DMRT1: variants seen among roughly 807,000 people sequenced by gnomAD.
DMRT1 encodes the protein doublesex- and mab-3-related transcription factor 1.
A neutral mutation model predicts 32.3 loss-of-function variants in DMRT1; 7 were observed. The observed-to-expected ratio is 0.22, with a 90% CI of 0.12 to 0.41. DMRT1 has a LOEUF of 0.41. Ranked by LOEUF, DMRT1 falls within the 10% of genes least tolerant of loss-of-function variation. The probability of loss-of-function intolerance (pLI) is 1.00; values close to 1 mark genes in which losing one functional copy is unlikely to be tolerated. For missense variants in DMRT1, 625 were observed against 500.5 expected, an observed-to-expected ratio of 1.25 and a Z score of -2.37; for synonymous variants, 278 against 206.1, an observed-to-expected ratio of 1.35 and a Z score of -2.99.
chr9:906,127 T>C (rs1278524195), intron 3 of DMRT1, among the ~76,000 whole-genome samples: 1 of 152,190 alleles, frequency 6.6e-6, no homozygotes, highest in Non-Finnish European at 1.5e-5. Flanking sequence ...TTGTGTCATT[T>C]CAATTAGTTG....
At chr9:873,755 T>A (rs931836698) in intron 2 of DMRT1, among the ~76,000 whole-genome samples, 2 of 152,180 alleles carry the variant, frequency 1.3e-5, no homozygotes, top group Non-Finnish European at 2.9e-5. Context: ...ACTGGGGGAA[T>A]GGCCTTCTAA....
rs111971389 is a variant in DMRT1, at chr9:842,592, G to A, written c.354+400G>A. ...GCATGGCCGTTGCCATGCGGGTCCTGGGTTGTGGAGAGATGCGGCGGTACT... is the reference window on the plus strand; with the variant it reads ...GCATGGCCGTTGCCATGCGGGTCCTAGGTTGTGGAGAGATGCGGCGGTACT... On this transcript the variant is annotated intron_variant, in intron 1 of 4. Transcript: ENST00000382276. 745 of 176,026 alleles carry A rather than the reference G, an allele frequency of 4.2e-3. 3 individuals are homozygous for A. Among genetic ancestry groups the A allele is most frequent in the Middle Eastern group, 0.011 (4 of 370 alleles). 10.9% of individuals were successfully genotyped at this position (176,026 alleles called of 1,614,324 possible).
intron 4 of DMRT1, among the ~76,000 whole-genome samples, chr9:966,837 C>T (rs575025147): frequency 6.6e-6 from 1 of 152,328 alleles, no homozygotes; most frequent in East Asian, 1.9e-4. Context: ...AGTGCAGCTT[C>T]TACTATGATT....
At chr9:895,203 C>G (rs946290172) in intron 3 of DMRT1, among the ~76,000 whole-genome samples, 2 of 152,080 alleles carry the variant, frequency 1.3e-5, no homozygotes, top group African/African-American at 4.8e-5. Context: ...GAGAAGGGAG[C>G]GTTTATCTAG....
At chr9:872,083 A>G (rs1434454345) in intron 2 of DMRT1, among the ~76,000 whole-genome samples, 1 of 150,528 alleles carries the variant, frequency 6.6e-6, no homozygotes, top group Non-Finnish European at 1.5e-5. Context: ...TTTTTTTGTG[A>G]TGGCATCTCA....
chr9:883,339 G>A (rs886892349), intron 2 of DMRT1, among the ~76,000 whole-genome samples: 4 of 152,010 alleles, frequency 2.6e-5, no homozygotes, highest in African/African-American at 9.7e-5. Flanking sequence ...TCCGTGTCTT[G>A]TGCTACAGGA....
chr9:876,411 CT>C (rs1338189110), intron 2 of DMRT1, among the ~76,000 whole-genome samples: 2 of 152,156 alleles, frequency 1.3e-5, no homozygotes. Context: ...CACAGTCTGT[CT>C]TTGGAGCTTA....
chr9:846,282 C>T (rs1838901532), intron 1 of DMRT1, among the ~76,000 whole-genome samples: 2 of 152,162 alleles, frequency 1.3e-5, no homozygotes, highest in African/African-American at 4.8e-5. Context: ...ATCGGCCCAC[C>T]TCTGCCTCCC....
In DMRT1 at chr9:855,340, TAAA is replaced by T. The variant is rs572832314; in HGVS notation, c.538+8201_538+8203del. Among the ~76,000 whole-genome samples, 102 of 152,288 alleles carry T rather than the reference TAAA, an allele frequency of 6.7e-4. 1 individual carries two copies. Among genetic ancestry groups the T allele is most frequent in the African/African-American group, 2.4e-3 (98 of 41,562 alleles). On this transcript the variant is annotated intron_variant, in intron 2 of 4. Coordinates refer to ENST00000382276, the MANE Select transcript of DMRT1 (RefSeq NM_021951.3). ...ACAAATAAATTTTATAACAGCATAT[TAAA>T]AAACAAAAACATTTGATTGGTTTAC... is the stretch of plus-strand genomic sequence containing the variant.
intron 3 of DMRT1, among the ~76,000 whole-genome samples, chr9:898,276 C>A (rs866774420): frequency 1.3e-5 from 2 of 152,112 alleles, no homozygotes; most frequent in African/African-American, 4.8e-5. Flanking sequence ...TGTGCCACCA[C>A]GCCCGGCTAA....
intron 3 of DMRT1, among the ~76,000 whole-genome samples, chr9:896,737 C>T (rs140713200): frequency 0.03 from 4,490 of 151,610 alleles, 195 homozygotes; most frequent in East Asian, 0.14. Context: ...CGTCTGAACC[C>T]GGGAGGTGGA....
chr9:873,386 A>C (rs1028657207), intron 2 of DMRT1, among the ~76,000 whole-genome samples: 19 of 150,426 alleles, frequency 1.3e-4, no homozygotes, highest in African/African-American at 4.2e-4. Context: ...GCTCACCATA[A>C]CCTCCACCTC....
Position 883,251 on chromosome 9 carries a change from C to T in DMRT1, c.539-10661C>T, listed in dbSNP as rs114924416. Among the ~76,000 whole-genome samples, 207 of 151,944 alleles carry T rather than the reference C, an allele frequency of 1.4e-3. 1 individual carries two copies. Among genetic ancestry groups the T allele is most frequent in the African/African-American group, 4.7e-3 (197 of 41,476 alleles). ...AAGAAAAAAAAAAGGAGCTGACATTCCTTCACAACCAAATTACGTTAAAAA... is the reference window on the plus strand; with the variant it reads ...AAGAAAAAAAAAAGGAGCTGACATTTCTTCACAACCAAATTACGTTAAAAA... On this transcript the variant is annotated intron_variant, in intron 2 of 4. Transcript: ENST00000382276.
intron 4 of DMRT1, among the ~76,000 whole-genome samples, chr9:937,320 T>C (rs1295104822): frequency 6.6e-6 from 1 of 152,248 alleles, no homozygotes; most frequent in East Asian, 1.9e-4. Flanking sequence ...TGTACAAGTA[T>C]CTGTGTGAGT....
intron 3 of DMRT1, among the ~76,000 whole-genome samples, chr9:907,829 ATGTGTGTGTGTGTG>A (rs3084903): frequency 6.7e-6 from 1 of 149,426 alleles, no homozygotes; most frequent in African/African-American, 2.5e-5. Context: ...TAAAATATAT[ATGTGTGTGTGTGTG>A]TGTGTGTGTG....
intron 4 of DMRT1, among the ~76,000 whole-genome samples, chr9:956,890 A>G (rs368769543): frequency 4.1e-4 from 63 of 152,302 alleles, no homozygotes; most frequent in African/African-American, 1.4e-3. Flanking sequence ...AAAGTCTACA[A>G]TTAAGTTTGG....
chr9:870,031 C>G lies in DMRT1; in HGVS notation c.538+22888C>G, dbSNP rs149757500. On this transcript the variant is annotated intron_variant, in intron 2 of 4. Transcript: ENST00000382276. ...CAGTTTGTATTGAACGAATAAGTTT[C>G]TTAAGTTTTTGAGAGCTTTCTCTTA... Among the ~76,000 whole-genome samples the G allele has an allele frequency of 9.5e-4, 144 of 152,256 alleles. 2 individuals are homozygous for G. Among genetic ancestry groups the G allele is most frequent in the Admixed American group, 7.9e-3 (121 of 15,298 alleles).
At chr9:964,214 G>T in intron 4 of DMRT1, among the ~76,000 whole-genome samples, 1 of 151,440 alleles carries the variant, frequency 6.6e-6, no homozygotes, top group South Asian at 2.1e-4. Flanking sequence ...TTTTAAGAAG[G>T]TTTTCTTTTT....
In DMRT1 at chr9:899,970, C is replaced by T. The variant is rs563565309; in HGVS notation, c.822+5775C>T. Among the ~76,000 whole-genome samples the T allele has an allele frequency of 2.0e-5, 3 of 151,884 alleles. No homozygotes were observed. The South Asian group carries it at 6.2e-4, about 31-fold the overall frequency. The stretch of plus-strand genomic sequence containing the variant: ...GTTCTTTCTGGTGGTTATGTGGTCT[C>T]CTCTGAAGTGTTTTATGGTTGTCCA... On this transcript the variant is annotated intron_variant, in intron 3 of 4. Coordinates refer to ENST00000382276, the MANE Select transcript of DMRT1 (RefSeq NM_021951.3).
Sources: gnomAD v4.1 joint callset for allele counts (sites outside exome capture counted in the v4.1 genomes callset) on GRCh38, gnomAD v4.1.1 for gene constraint, MANE v1.5 for transcripts, NCBI Gene and HGNC (gene_info 2026-07-23, HGNC 2026-07-21) for gene names.